The following CALN1 variants were observed in gnomAD, a reference collection of about 807,000 sequenced individuals.
CALN1 encodes the protein calcium-binding protein 8.
In CALN1, 17 loss-of-function variants were observed where a neutral mutation model predicts 30.6. The observed-to-expected ratio is 0.56, with a 90% CI of 0.38 to 0.83. The LOEUF is 0.83. CALN1 is among the 40% of genes least tolerant of loss of function. The pLI, the probability that CALN1 is intolerant of heterozygous loss-of-function variation, is 0.00. For missense variants in CALN1, 291 were observed against 354.9 expected, an observed-to-expected ratio of 0.82 and a Z score of 1.45; for synonymous variants, 156 against 131.4, an observed-to-expected ratio of 1.19 and a Z score of -1.28.
At chr7:71,869,846 T>C (rs983807669) in intron 5 of CALN1, among the ~76,000 whole-genome samples, 3 of 152,116 alleles carry the variant, frequency 2.0e-5, no homozygotes, top group East Asian at 3.9e-4. Flanking sequence ...AAACTGCGAG[T>C]TGCCGCAGGA....
chr7:72,399,700 T>G (rs1442841905), intron 2 of CALN1, among the ~76,000 whole-genome samples: 2 of 152,134 alleles, frequency 1.3e-5, no homozygotes, highest in Non-Finnish European at 2.9e-5. Context: ...GTCAACTAAC[T>G]CCAAGAATAA....
chr7:71,954,692 G>C (rs1774993117), intron 5 of CALN1, among the ~76,000 whole-genome samples: 1 of 152,112 alleles, frequency 6.6e-6, no homozygotes, highest in African/African-American at 2.4e-5. Context: ...TTGACTGTGG[G>C]ATTTAGCAAC....
At chr7:72,470,917 G>A in the CALN1 span, among the ~76,000 whole-genome samples, 2 of 152,106 alleles carry the variant, frequency 1.3e-5, no homozygotes, top group East Asian at 3.9e-4. Context: ...CAAGACAGTT[G>A]ACCCCCACGT....
chr7:72,487,734 A>AAAGAAAGAAAGAAAGGAAGGAAGG, the CALN1 span, among the ~76,000 whole-genome samples: 4 of 56,616 alleles, frequency 7.1e-5, no homozygotes, highest in East Asian at 6.9e-4. Context: ...AGAAAGAAAG[A>AAAGAAAGAAAGAAAGGAAGGAAGG]AAGGAAGGAA....
At chr7:72,012,882 G>A (rs139862176) in intron 5 of CALN1, among the ~76,000 whole-genome samples, 11,284 of 151,770 alleles carry the variant, frequency 0.074, 586 homozygotes, top group East Asian at 0.16. Context: ...TGTAACCTCC[G>A]CCTCCGGGGT....
chr7:72,216,820 C>T (rs117399367), intron 3 of CALN1, among the ~76,000 whole-genome samples: 1 of 152,304 alleles, frequency 6.6e-6, no homozygotes, highest in East Asian at 1.9e-4. Flanking sequence ...AGCACAATCA[C>T]GGCTTACAGC....
intron 5 of CALN1, among the ~76,000 whole-genome samples, chr7:71,952,895 G>T (rs911978005): frequency 1.3e-5 from 2 of 152,164 alleles, no homozygotes; most frequent in Non-Finnish European, 2.9e-5. Context: ...TCTAATAGGA[G>T]AAAGTGCCTT....
chr7:72,261,412 CATTT>C (rs570553592), intron 3 of CALN1, among the ~76,000 whole-genome samples: 150 of 139,248 alleles, frequency 1.1e-3, no homozygotes, highest in Admixed American at 4.0e-3. Flanking sequence ...GTCCTGAAAC[CATTT>C]ATTTCAGAAG....
intron 3 of CALN1, among the ~76,000 whole-genome samples, chr7:72,163,698 G>A (rs373765370): frequency 6.6e-6 from 1 of 152,062 alleles, no homozygotes; most frequent in Non-Finnish European, 1.5e-5. Flanking sequence ...AAGAATCAAC[G>A]AATTTGAAGA....
At chr7:71,971,612 A>G (rs913483024) in intron 5 of CALN1, among the ~76,000 whole-genome samples, 8 of 152,134 alleles carry the variant, frequency 5.3e-5, no homozygotes, top group African/African-American at 1.9e-4. Context: ...GTGAAGAAAT[A>G]CAGGGCCGTG....
At chr7:72,267,648 G>T (rs935870031) in intron 3 of CALN1, among the ~76,000 whole-genome samples, 2 of 152,232 alleles carry the variant, frequency 1.3e-5, no homozygotes, top group Non-Finnish European at 2.9e-5. Flanking sequence ...GCAGATGCTG[G>T]TTATGTAACC....
At chr7:71,981,772 G>A (rs1333004667) in intron 5 of CALN1, among the ~76,000 whole-genome samples, 1 of 152,090 alleles carries the variant, frequency 6.6e-6, no homozygotes, top group African/African-American at 2.4e-5. Context: ...CCTCTCTCTA[G>A]GTAGATAGTG....
intron 3 of CALN1, among the ~76,000 whole-genome samples, chr7:72,168,038 T>A (rs184559483): frequency 6.6e-6 from 1 of 152,228 alleles, no homozygotes; most frequent in African/African-American, 2.4e-5. Context: ...CTGGGCAAGA[T>A]GTGAATTTGT....
At chr7:72,167,095 AAAG>A (rs1413690803) in intron 3 of CALN1, among the ~76,000 whole-genome samples, 4 of 152,170 alleles carry the variant, frequency 2.6e-5, no homozygotes, top group Non-Finnish European at 5.9e-5. Context: ...GTTAATAATA[AAAG>A]AAGGAGAAGA....
chr7:71,798,159 G>C (rs1787071113), intron 6 of CALN1, among the ~76,000 whole-genome samples: 1 of 146,280 alleles, frequency 6.8e-6, no homozygotes, highest in Non-Finnish European at 1.5e-5. Context: ...GAGAGAGAGA[G>C]AGAGAGAGAG....
chr7:72,042,172 T>C (rs1802172438), intron 4 of CALN1, among the ~76,000 whole-genome samples: 1 of 152,142 alleles, frequency 6.6e-6, no homozygotes, highest in African/African-American at 2.4e-5. Context: ...TAAGGTTAAA[T>C]TGTCCAGTGT....
At chr7:72,422,577 C>T (rs1807648658) in intron 1 of CALN1, among the ~76,000 whole-genome samples, 1 of 152,182 alleles carries the variant, frequency 6.6e-6, no homozygotes, top group South Asian at 2.1e-4. Flanking sequence ...AGTCACTTCC[C>T]TCGTCCTCCG....
At chr7:72,020,285 C>CT (rs1391062446) in intron 5 of CALN1, among the ~76,000 whole-genome samples, 2 of 152,036 alleles carry the variant, frequency 1.3e-5, no homozygotes, top group Non-Finnish European at 2.9e-5. Flanking sequence ...CTTTCTGCTT[C>CT]TTTTTTGTAT....
Position 72,292,777 on chromosome 7 carries a change from C to T in CALN1, c.120-13967G>A, listed in dbSNP as rs182776131. On this transcript the variant is annotated intron_variant, in intron 2 of 6. Transcript: ENST00000395275. ...TGAAGGTTACAGTGAGCCGAGATCG[C>T]GCCACTGCACTCCAGCTTGGGCAAC... Among the ~76,000 whole-genome samples, 289 of 139,724 alleles carry T rather than the reference C, an allele frequency of 2.1e-3. 3 individuals are homozygous for T. Among genetic ancestry groups the T allele is most frequent in the African/African-American group, 7.0e-3 (254 of 36,116 alleles). The allele number at this position is 139,724 out of a possible 152,430, so 91.7% of individuals were successfully genotyped here. A position where few individuals can be genotyped will look rare whatever the true frequency, so the allele number is the denominator to read the frequency against.
Sources: gnomAD v4.1 joint callset for allele counts (sites outside exome capture counted in the v4.1 genomes callset) on GRCh38, gnomAD v4.1.1 for gene constraint, MANE v1.5 for transcripts, NCBI Gene and HGNC (gene_info 2026-07-23, HGNC 2026-07-21) for gene names.